The following NEK11 variants were observed in gnomAD, a reference collection of about 807,000 sequenced individuals.
NEK11 encodes NIMA related kinase 11.
Under a neutral mutation model 80.7 loss-of-function variants are expected in NEK11, and 72 were observed. That is an observed-to-expected ratio of 0.89 (90% CI 0.74 to 1.08). The LOEUF (loss-of-function observed/expected upper bound fraction) is 1.08, where lower values mean the gene tolerates loss of function less well. Among genes scored for constraint, NEK11 ranks in the 50% least tolerant of loss-of-function variants. The pLI is 0.00. For missense variants in NEK11, 764 were observed against 763.6 expected (o/e 1.00, Z -0.01); for synonymous variants, 251 against 260.7 (o/e 0.96, Z 0.36).
chr3:131,063,811 C>T (rs1421260566), intron 3 of NEK11, among the ~76,000 whole-genome samples: 1 of 152,156 alleles, frequency 6.6e-6, no homozygotes, highest in Non-Finnish European at 1.5e-5. Context: ...TATGACCTAG[C>T]AATTCCATTC....
intron 3 of NEK11, among the ~76,000 whole-genome samples, chr3:131,073,707 C>G (rs570277666): frequency 8.5e-5 from 13 of 152,164 alleles, no homozygotes; most frequent in Non-Finnish European, 1.3e-4. Flanking sequence ...GGAAACCGGG[C>G]CAGAATTTAA....
At chr3:131,308,685 T>G (rs535185458) in intron 17 of NEK11, among the ~76,000 whole-genome samples, 10 of 152,312 alleles carry the variant, frequency 6.6e-5, no homozygotes, top group Admixed American at 5.2e-4. Context: ...CTTTTATAAT[T>G]TGCAAAAGTT....
chr3:131,195,290 T>C (rs192402781), intron 14 of NEK11, among the ~76,000 whole-genome samples: 62 of 151,952 alleles, frequency 4.1e-4, no homozygotes, highest in African/African-American at 1.5e-3. Context: ...CTACACTCCA[T>C]CTCACTCCTG....
At chr3:131,228,415 TGGAA>T in intron 14 of NEK11, 109 bp from the exon 15 acceptor site, 1 of 859,222 alleles carries the variant, frequency 1.2e-6, no homozygotes, top group Non-Finnish European at 1.7e-6. Flanking sequence ...CTACACTCCA[TGGAA>T]GCTTTGTCAA....
intron 16 of NEK11, among the ~76,000 whole-genome samples, chr3:131,261,772 C>T (rs913900335): frequency 3.3e-5 from 5 of 152,118 alleles, no homozygotes; most frequent in African/African-American, 4.8e-5. Context: ...TATAGATAGC[C>T]TATCTTCTTA....
Position 131,174,510 on chromosome 3 carries a change from A to G in NEK11, c.1399+3623A>G, listed in dbSNP as rs113004788. On this transcript the variant is annotated intron_variant, in intron 14 of 17. Coordinates refer to ENST00000383366, the MANE Select transcript of NEK11 (RefSeq NM_024800.5). ...TGAATTGGACAATTCCCTCTGGCAT[A>G]TGAGGAGTTAGTTGCAGAGAAGAAA... is the stretch of plus-strand genomic sequence containing the variant. Among the ~76,000 whole-genome samples, 286 of 152,344 alleles carry G rather than the reference A, an allele frequency of 1.9e-3. 3 individuals carry two copies. The highest frequency in any genetic ancestry group is 6.3e-3 in the African/African-American group (263 of 41,582).
chr3:131,209,169 C>G, intron 14 of NEK11, among the ~76,000 whole-genome samples: 1 of 152,112 alleles, frequency 6.6e-6, no homozygotes, highest in East Asian at 1.9e-4. Flanking sequence ...GAGTTTTTAG[C>G]ATGAAGGGCT....
intron 10 of NEK11, among the ~76,000 whole-genome samples, chr3:131,159,388 A>G (rs1458246600): frequency 6.6e-6 from 1 of 152,248 alleles, no homozygotes; most frequent in Non-Finnish European, 1.5e-5. Context: ...GCTAAGAAAC[A>G]TAATAAAATG....
chr3:131,275,898 CAT>C (rs1253669493), intron 17 of NEK11, among the ~76,000 whole-genome samples: 1 of 152,118 alleles, frequency 6.6e-6, no homozygotes, highest in Non-Finnish European at 1.5e-5. Flanking sequence ...TAAATGACAA[CAT>C]AGTGGTTATG....
At chr3:131,043,122 A>C (rs1167378364) in intron 3 of NEK11, among the ~76,000 whole-genome samples, 1 of 152,228 alleles carries the variant, frequency 6.6e-6, no homozygotes, top group Non-Finnish European at 1.5e-5. Context: ...ACCAACAGCA[A>C]AGAACAAAGG....
At chr3:131,147,356 T>G (rs2088593878) in intron 7 of NEK11, among the ~76,000 whole-genome samples, 1 of 152,088 alleles carries the variant, frequency 6.6e-6, no homozygotes, top group Admixed American at 6.6e-5. Flanking sequence ...GGTTTATTTT[T>G]GCATTAATCA....
intron 4 of NEK11, chr3:131,109,517 G>A (rs1367044331): frequency 2.3e-5 from 5 of 216,666 alleles, no homozygotes; most frequent in Non-Finnish European, 4.5e-5. Flanking sequence ...GGAACTTTAA[G>A]GGGTAGGAGG....
rs1052390142 is a variant in NEK11 at position 131,164,120 on chromosome 3, G to A, written c.1083-1306G>A. Among the ~76,000 whole-genome samples, 40 of 152,148 alleles carry A rather than the reference G, an allele frequency of 2.6e-4. 1 individual carries two copies. Among genetic ancestry groups the A allele is most frequent in the Admixed American group, 7.2e-4 (11 of 15,284 alleles). On this transcript the variant is annotated intron_variant, in intron 11 of 17. Transcript: ENST00000383366. The stretch of plus-strand genomic sequence containing the variant: ...TAAGAATCTATGAGTCTATTTTCCC[G>A]TAACATTTGCTTTCTTTAATAAATT...
At chr3:131,204,780 G>C (rs1259270226) in intron 14 of NEK11, among the ~76,000 whole-genome samples, 1 of 152,054 alleles carries the variant, frequency 6.6e-6, no homozygotes, top group Admixed American at 6.6e-5. Context: ...TAGCATTGCT[G>C]TTTATGAAAA....
intron 4 of NEK11, among the ~76,000 whole-genome samples, chr3:131,103,297 C>T (rs543795807): frequency 2.2e-4 from 34 of 152,248 alleles, no homozygotes; most frequent in Middle Eastern, 3.4e-3. Flanking sequence ...AGAAGGTTGG[C>T]GTTCCTTTAA....
chr3:131,347,085 A>G (rs896877770), intron 17 of NEK11, among the ~76,000 whole-genome samples: 1 of 152,146 alleles, frequency 6.6e-6, no homozygotes, highest in African/African-American at 2.4e-5. Flanking sequence ...GGGGTGACTG[A>G]GGTGACTAGG....
chr3:131,138,708 A>G (rs985901387), intron 7 of NEK11, among the ~76,000 whole-genome samples: 3 of 152,154 alleles, frequency 2.0e-5, no homozygotes, highest in Admixed American at 1.3e-4. Flanking sequence ...TTTGGGAGAA[A>G]GTAAGGGAAG....
chr3:131,049,192 A>C (rs2067930932), intron 3 of NEK11, among the ~76,000 whole-genome samples: 1 of 152,242 alleles, frequency 6.6e-6, no homozygotes, highest in Admixed American at 6.5e-5. Context: ...CATGTAGATT[A>C]AAGGCATAAA....
chr3:131,182,118 G>A (rs2093387764), intron 14 of NEK11, among the ~76,000 whole-genome samples: 1 of 146,830 alleles, frequency 6.8e-6, no homozygotes, highest in South Asian at 2.1e-4. Context: ...TTCATTTTTT[G>A]AAGTGAAATA....
Sources: gnomAD v4.1 joint callset for allele counts (sites outside exome capture counted in the v4.1 genomes callset) on GRCh38, gnomAD v4.1.1 for gene constraint, MANE v1.5 for transcripts, NCBI Gene and HGNC (gene_info 2026-07-23, HGNC 2026-07-21) for gene names.